Variants in SLC37A1 observed in about 807,000 individuals in gnomAD.
The protein encoded by SLC37A1 is glucose-6-phosphate exchanger SLC37A1.
In SLC37A1, 49 loss-of-function variants were observed where a neutral mutation model predicts 75.3. That is an observed-to-expected ratio of 0.65 (90% CI 0.52 to 0.83). The LOEUF is 0.83. SLC37A1 is among the 40% of genes least tolerant of loss of function. The pLI, the probability that SLC37A1 is intolerant of heterozygous loss-of-function variation, is 0.00. For synonymous variants in SLC37A1, 268 were observed against 292.1 expected (o/e 0.92, Z 0.84); for missense variants, 566 against 695.0 (o/e 0.81, Z 2.09).
At chr21:42,500,374 C>T (rs1344896524) in intron 1 of SLC37A1, among the ~76,000 whole-genome samples, 1 of 152,132 alleles carries the variant, frequency 6.6e-6, no homozygotes, top group Non-Finnish European at 1.5e-5. Flanking sequence ...GAGACAGACC[C>T]GAGATTGGAG....
chr21:42,526,210 G>C (rs1340701422), intron 3 of SLC37A1, among the ~76,000 whole-genome samples: 1 of 152,112 alleles, frequency 6.6e-6, no homozygotes, highest in Non-Finnish European at 1.5e-5. Context: ...CCAACCCTAG[G>C]TCTGGCTGCG....
chr21:42,542,100 T>A (rs1259987968), intron 6 of SLC37A1, among the ~76,000 whole-genome samples: 1 of 152,218 alleles, frequency 6.6e-6, no homozygotes, highest in African/African-American at 2.4e-5. Context: ...CACACTGTTA[T>A]GAGGTGTGAT....
At position 42,561,102 on chromosome 21, in the gene SLC37A1, G is replaced by A. The variant is rs868413504; in HGVS notation, c.982-976G>A. ...ATGAAAGGCATACGGTAAATTACAC[G>A]TACACATCCTCATCAACTGTGAAGA... On this transcript the variant is annotated intron_variant, in intron 11 of 19. Coordinates refer to ENST00000352133, the MANE Select transcript of SLC37A1 (RefSeq NM_001320537.2). Among the ~76,000 whole-genome samples the A allele has an allele frequency of 2.6e-5, 4 of 152,182 alleles. No individual in the cohort carries two copies. In the South Asian group the frequency reaches 8.3e-4, roughly 32 times the overall value.
intron 5 of SLC37A1, among the ~76,000 whole-genome samples, chr21:42,537,844 G>A (rs2055178649): frequency 6.6e-6 from 1 of 152,204 alleles, no homozygotes; most frequent in Non-Finnish European, 1.5e-5. Context: ...CTGCTGCATT[G>A]AAGGGGCCTT....
intron 12 of SLC37A1, among the ~76,000 whole-genome samples, chr21:42,563,370 C>T (rs190527476): frequency 2.0e-5 from 3 of 152,320 alleles, no homozygotes; most frequent in South Asian, 2.1e-4. Context: ...CTCCCACACC[C>T]GGCTGGCTCA....
intron 2 of SLC37A1, among the ~76,000 whole-genome samples, chr21:42,524,472 T>A (rs2054730824): frequency 6.6e-6 from 1 of 152,230 alleles, no homozygotes; most frequent in Non-Finnish European, 1.5e-5. Flanking sequence ...ACTGGCCTAT[T>A]GAGAGCCTGC....
chr21:42,541,495 C>T (rs228072), intron 6 of SLC37A1, among the ~76,000 whole-genome samples: 87,930 of 152,096 alleles, frequency 0.58, 25,986 homozygotes, highest in Admixed American at 0.69. Context: ...AGTCTCAAGA[C>T]GCTAGAGCGT....
At chr21:42,559,955 C>A (rs2055787645) in intron 11 of SLC37A1, among the ~76,000 whole-genome samples, 1 of 151,618 alleles carries the variant, frequency 6.6e-6, no homozygotes, top group African/African-American at 2.4e-5. Context: ...GCAGAGGATG[C>A]CAAGAGTGAG....
At chr21:42,530,654 AC>A (rs1555882111) in intron 3 of SLC37A1, among the ~76,000 whole-genome samples, 3 of 35,878 alleles carry the variant, frequency 8.4e-5, no homozygotes, top group Admixed American at 3.6e-4. Flanking sequence ...ACACACACAC[AC>A]CCCCTCTGTG....
chr21:42,564,223 CAAAAAAAA>C lies in SLC37A1; in HGVS notation c.1135+355_1135+362del, dbSNP rs59155326. 3.8e-5 allele frequency among the ~76,000 whole-genome samples: 3 copies of C among 79,964 alleles called. No homozygotes were observed. In the South Asian group the frequency reaches 1.3e-3, roughly 34 times the overall value. 52.5% of individuals were successfully genotyped at this position (79,964 alleles called of 152,430 possible). A position where few individuals can be genotyped will look rare whatever the true frequency, so the allele number is the denominator to read the frequency against. On this transcript the variant is annotated intron_variant, in intron 13 of 19. Coordinates refer to ENST00000352133, the MANE Select transcript of SLC37A1 (RefSeq NM_001320537.2). ...GGCAACATAACAAGACCCCTCTCTA[CAAAAAAAA>C]AAAAAAAAGCATAGCTGGGTGTGGT...
chr21:42,500,462 T>C (rs2054331422), intron 1 of SLC37A1, among the ~76,000 whole-genome samples: 3 of 152,176 alleles, frequency 2.0e-5, no homozygotes, highest in South Asian at 4.1e-4. Context: ...AAATTAGATA[T>C]TCATAATGAG....
At chr21:42,530,118 T>C (rs115966635) in intron 3 of SLC37A1, among the ~76,000 whole-genome samples, 232 of 152,306 alleles carry the variant, frequency 1.5e-3, no homozygotes, top group African/African-American at 5.4e-3. Context: ...CACAAGTCCG[T>C]ATTATGAAAT....
rs1421400961 is a variant in SLC37A1, at chr21:42,572,695, T to TAAAAAAAAAAAAAA, written c.1424-2123_1424-2122insAAAAAAAAAAAAAA. On this transcript the variant is annotated intron_variant, in intron 17 of 19. Coordinates refer to ENST00000352133, the MANE Select transcript of SLC37A1 (RefSeq NM_001320537.2). ...ACACACACAAAAAAAAAAAAAAGAG[T>TAAAAAAAAAAAAAA]GTGTCCTGAGGTTCAGCTTAGTCTT... Among the ~76,000 whole-genome samples the TAAAAAAAAAAAAAA allele has an allele frequency of 7.1e-4, 94 of 132,296 alleles. 6 individuals are homozygous for TAAAAAAAAAAAAAA. Among genetic ancestry groups the TAAAAAAAAAAAAAA allele is most frequent in the Non-Finnish European group, 1.2e-3 (74 of 60,838 alleles). 86.8% of individuals were successfully genotyped at this position (132,296 alleles called of 152,430 possible).
rs1259953592 is a variant in SLC37A1, at chr21:42,570,080, G to GTGA, written c.1423+1642_1423+1643insTGA. Among the ~76,000 whole-genome samples, 41 of 109,262 alleles carry GTGA rather than the reference G, an allele frequency of 3.8e-4. 3 individuals carry two copies. Among genetic ancestry groups the GTGA allele is most frequent in the African/African-American group, 5.6e-4 (19 of 33,684 alleles). 71.7% of individuals were successfully genotyped at this position (109,262 alleles called of 152,430 possible). ...GGCAGGGTGGCCGTTGCCATGTCAT[G>GTGA]CGACACACGGCCTGGTTCTGAGAAG... On this transcript the variant is annotated intron_variant, in intron 17 of 19. Coordinates refer to ENST00000352133, the MANE Select transcript of SLC37A1 (RefSeq NM_001320537.2).
At position 42,514,222 on chromosome 21, in the gene SLC37A1, T is replaced by C. The variant is rs2054478910; in HGVS notation, c.-674T>C. On this transcript the variant is annotated 5_prime_UTR_variant, in exon 1 of 20. It removes an upstream start codon present in the reference 5' UTR. Coordinates refer to ENST00000352133, the MANE Select transcript of SLC37A1 (RefSeq NM_001320537.2). This position sits in a 1 kb window ranked among gnomAD's most constrained non-coding sequence, Gnocchi z 4.8. ...CTAGAAGAGTGGCCCTCGGCGACAA[T>C]GCCGGGCGTTCCCGGACCGGGGCAA... The C allele has an allele frequency of 6.6e-6, 1 of 151,642 alleles. No homozygotes were observed. 9.4% of individuals were successfully genotyped at this position (151,642 alleles called of 1,614,324 possible). A position where few individuals can be genotyped will look rare whatever the true frequency, so the allele number is the denominator to read the frequency against.
intron 16 of SLC37A1, 124 bp downstream of exon 16, chr21:42,567,182 C>T: frequency 1.1e-6 from 1 of 941,610 alleles, no homozygotes; most frequent in Non-Finnish European, 1.6e-6. Context: ...GGCAGCTCAC[C>T]TACACCTGTG....
At chr21:42,519,756 T>C (rs2054600713) in intron 2 of SLC37A1, among the ~76,000 whole-genome samples, 2 of 152,248 alleles carry the variant, frequency 1.3e-5, no homozygotes, top group African/African-American at 4.8e-5. Context: ...ACTTATTTCA[T>C]GTCTGCTGTG....
rs1160540005 is a variant in SLC37A1, at chr21:42,564,712, G to A, written c.1140G>A (p.Gly380=). 4 of 1,611,138 alleles carry A rather than the reference G, an allele frequency of 2.5e-6. No homozygotes were observed. Among genetic ancestry groups the A allele is most frequent in the Non-Finnish European group, 1.7e-6 (2 of 1,179,918 alleles). ...AAGCCCGCCTCTCCGTTGCAGGTGG[G>A]ATCCTGGCAGGTGTGATCTCAGACC... The part of the protein sequence containing the change: ...TLFDVGGIFG[G]ILAGVISDRL... Residue 380 remains glycine (G), a synonymous_variant, in exon 14 of 20, where the codon GGG becomes GGA. Coordinates refer to ENST00000352133, the MANE Select transcript of SLC37A1 (RefSeq NM_001320537.2).
At chr21:42,575,642 C>T in intron 18 of SLC37A1, 1 of 985,496 alleles carries the variant, frequency 1.0e-6, no homozygotes, top group South Asian at 4.7e-5. Context: ...TCCCCAGACC[C>T]ACAGCCATGC....
Sources: gnomAD v4.1 joint callset for allele counts (sites outside exome capture counted in the v4.1 genomes callset) on GRCh38, gnomAD v4.1.1 for gene constraint, Gnocchi (gnomAD v3.1) non-coding constraint, MANE v1.5 for transcripts, NCBI Gene and HGNC (gene_info 2026-07-23, HGNC 2026-07-21) for gene names.